Variants in SYK observed in about 807,000 individuals in gnomAD.
SYK encodes tyrosine-protein kinase SYK.
Under a neutral mutation model 77.8 loss-of-function variants are expected in SYK, and 16 were observed. That is an observed-to-expected ratio of 0.21 (90% CI 0.14 to 0.31). The LOEUF is 0.31. Among genes scored for constraint, SYK ranks in the 10% least tolerant of loss-of-function variants. The pLI, the probability that SYK is intolerant of heterozygous loss-of-function variation, is 1.00. For synonymous variants in SYK, 312 were observed against 308.7 expected, an observed-to-expected ratio of 1.01 and a Z score of -0.11; for missense variants, 529 against 814.4, an observed-to-expected ratio of 0.65 and a Z score of 4.26.
At chr9:90,847,116 T>G (rs1826629097) in intron 3 of SYK, among the ~76,000 whole-genome samples, 1 of 152,208 alleles carries the variant, frequency 6.6e-6, no homozygotes, top group Non-Finnish European at 1.5e-5. Flanking sequence ...CCTTCCTTTC[T>G]GGGAGATGTA....
chr9:90,822,228 C>T (rs769187201), intron 1 of SYK, among the ~76,000 whole-genome samples: 7 of 152,110 alleles, frequency 4.6e-5, no homozygotes, highest in African/African-American at 7.2e-5. Context: ...GATATGTTTT[C>T]GAAACAGTTG....
At chr9:90,889,288 T>A (rs183962708) in intron 13 of SYK, among the ~76,000 whole-genome samples, 1 of 152,360 alleles carries the variant, frequency 6.6e-6, no homozygotes, top group Admixed American at 6.5e-5. Flanking sequence ...CTCAGCAGCC[T>A]GCTTGTGCGT....
At chr9:90,862,159 G>T in intron 3 of SYK, 47 bp from the exon 4 acceptor site, 1 of 1,562,374 alleles carries the variant, frequency 6.4e-7, no homozygotes, top group Non-Finnish European at 8.7e-7. Flanking sequence ...GGTCCCACCT[G>T]GAGACTGGCG....
At position 90,874,736 on chromosome 9, in the gene SYK, G is replaced by A; in HGVS notation, c.1068G>A (p.Glu356=). The change falls in exon 9 of 14, where the codon GAG becomes GAA. Residue 356 remains glutamate, a synonymous_variant. Transcript: ENST00000375754. ...EVYESPYADP[E]EIRPKEVYLD... Reference sequence around the variant, plus strand: ...ACGAGAGCCCCTACGCGGACCCCGAGGAGATCAGGCCCAAGGAGGTTTACC... The same window carrying A: ...ACGAGAGCCCCTACGCGGACCCCGAAGAGATCAGGCCCAAGGAGGTTTACC... 7 of 1,614,134 alleles carry A rather than the reference G, an allele frequency of 4.3e-6. No individual in the cohort carries two copies. Among genetic ancestry groups the A allele is most frequent in the Non-Finnish European group, 5.9e-6 (7 of 1,180,012 alleles).
At chr9:90,815,684 G>C (rs767497248) in intron 1 of SYK, among the ~76,000 whole-genome samples, 3 of 152,244 alleles carry the variant, frequency 2.0e-5, no homozygotes, top group African/African-American at 4.8e-5. Context: ...TAAACATTGA[G>C]TTAACACTTT....
intron 1 of SYK, among the ~76,000 whole-genome samples, chr9:90,818,596 T>C (rs1000797167): frequency 1.3e-5 from 2 of 152,234 alleles, no homozygotes; most frequent in African/African-American, 4.8e-5. Context: ...ATCTCATTTA[T>C]TAGTGACAGC....
rs749642263 is a variant in SYK at position 90,844,137 on chromosome 9, G to A, written c.239G>A (p.Arg80Lys). The change falls in exon 2 of 14, where the codon AGG becomes AAG. Residue 80 changes from arginine to lysine, a missense_variant. Transcript: ENST00000375754. ...GGCACCTACGCCATCGCCGGTGGCA[G>A]GACCCATGCCAGCCCCGCCGACCTC... ...LNGTYAIAGG[R>K]THASPADLCH... The A allele has an allele frequency of 1.2e-6, 2 of 1,613,982 alleles. No homozygotes were observed. The highest frequency in any genetic ancestry group is 4.5e-5 in the East Asian group (2 of 44,890).
chr9:90,858,748 C>A (rs559490037), intron 3 of SYK, among the ~76,000 whole-genome samples: 26 of 152,256 alleles, frequency 1.7e-4, no homozygotes, highest in Non-Finnish European at 3.4e-4. Context: ...TGTCGCGAGC[C>A]TTCTGGTCTT....
chr9:90,843,269 G>C (rs1174535911), intron 1 of SYK, among the ~76,000 whole-genome samples: 1 of 152,192 alleles, frequency 6.6e-6, no homozygotes, highest in East Asian at 1.9e-4. Context: ...GTGACCACAA[G>C]TCACAGTTCC....
intron 13 of SYK, among the ~76,000 whole-genome samples, chr9:90,893,822 G>A (rs1828885405): frequency 6.6e-6 from 1 of 152,210 alleles, no homozygotes. Context: ...CAGGGATGAG[G>A]GGAGAGGAGG....
intron 4 of SYK, among the ~76,000 whole-genome samples, chr9:90,863,199 A>G (rs1047851810): frequency 2.0e-5 from 3 of 152,208 alleles, no homozygotes; most frequent in Admixed American, 1.3e-4. Context: ...TTCGTGCATC[A>G]TCTTCGCAGA....
intron 7 of SYK, among the ~76,000 whole-genome samples, chr9:90,873,236 G>A (rs923121437): frequency 6.6e-6 from 1 of 151,614 alleles, no homozygotes; most frequent in Non-Finnish European, 1.5e-5. Context: ...TAATGTCTCT[G>A]TTTCTGTAAC....
intron 1 of SYK, among the ~76,000 whole-genome samples, chr9:90,827,220 C>G (rs1451458085): frequency 6.6e-6 from 1 of 152,124 alleles, no homozygotes; most frequent in African/African-American, 2.4e-5. Context: ...TGGCACAGCC[C>G]TGTCCACTGA....
intron 11 of SYK, among the ~76,000 whole-genome samples, chr9:90,887,360 C>G (rs1828616231): frequency 1.3e-5 from 2 of 150,538 alleles, no homozygotes; most frequent in South Asian, 4.2e-4. Flanking sequence ...GGGAATAATG[C>G]TGCTATGAAC....
At chr9:90,873,343 G>GAA (rs765550198) in intron 7 of SYK, among the ~76,000 whole-genome samples, 5 of 127,266 alleles carry the variant, frequency 3.9e-5, no homozygotes, top group African/African-American at 8.7e-5. Flanking sequence ...AACTCACGCT[G>GAA]AAAAAAAAAA....
chr9:90,855,683 T>TGG (rs981380849), intron 3 of SYK, among the ~76,000 whole-genome samples: 8 of 151,750 alleles, frequency 5.3e-5, no homozygotes, highest in South Asian at 4.2e-4. Flanking sequence ...TGTGTGTGTG[T>TGG]GTGTGGGTGT....
At chr9:90,847,801 C>T (rs575654406) in intron 3 of SYK, among the ~76,000 whole-genome samples, 12 of 152,360 alleles carry the variant, frequency 7.9e-5, no homozygotes, top group Middle Eastern at 3.4e-3. Context: ...CCACGTACAC[C>T]GCACAGCACA....
At position 90,850,784 on chromosome 9, in the gene SYK, A is replaced by G. The variant is rs1826792003; in HGVS notation, c.578+5190A>G. Among the ~76,000 whole-genome samples the G allele has an allele frequency of 2.0e-5, 3 of 152,018 alleles. No individual in the cohort carries two copies. In the South Asian group the frequency reaches 6.2e-4, roughly 32 times the overall value. On this transcript the variant is annotated intron_variant, in intron 3 of 13. Transcript: ENST00000375754. The stretch of plus-strand genomic sequence containing the variant: ...GGACTAAAAGGTAAAAAAAAAAAAA[A>G]AAGAATTCCTGAAATGCATGCACCT...
chr9:90,818,845 C>T (rs1825399933), intron 1 of SYK, among the ~76,000 whole-genome samples: 2 of 152,206 alleles, frequency 1.3e-5, no homozygotes, highest in African/African-American at 4.8e-5. Context: ...CTGATTTAGG[C>T]TTCATGGCCT....
Sources: gnomAD v4.1 joint callset for allele counts (sites outside exome capture counted in the v4.1 genomes callset) on GRCh38, gnomAD v4.1.1 for gene constraint, MANE v1.5 for transcripts, NCBI Gene and HGNC (gene_info 2026-07-23, HGNC 2026-07-21) for gene names.